The following NTPCR variants were observed in gnomAD, a reference collection of about 807,000 sequenced individuals.
NTPCR encodes nucleoside-triphosphatase, cancer-related, also known as cancer-related nucleoside-triphosphatase.
NTPCR carries 15 observed loss-of-function variants against 19.5 expected under a neutral mutation model. That is an observed-to-expected ratio of 0.77 (90% confidence interval 0.51 to 1.18). NTPCR has a LOEUF of 1.18. NTPCR is among the 50% of genes most tolerant of loss of function. NTPCR has a pLI of 0.00. For synonymous variants in NTPCR, 90 were observed against 95.8 expected (o/e 0.94, Z 0.36); for missense variants, 206 against 240.4 (o/e 0.86, Z 0.95).
intron 4 of NTPCR, chr1:232,976,435 C>A: frequency 6.4e-7 from 1 of 1,550,620 alleles, no homozygotes. Flanking sequence ...GAAGCTACTG[C>A]AATCACTGCT....
At position 232,983,221 on chromosome 1, in the gene NTPCR, T is replaced by C. The variant is rs1669328104; in HGVS notation, c.*4990T>C. ...CTGTTTAAAATTGAGTATTTCCTTCTAACTATTGTCTTTTGAAAAGGGATG... is the reference window on the plus strand; with the variant it reads ...CTGTTTAAAATTGAGTATTTCCTTCCAACTATTGTCTTTTGAAAAGGGATG... On this transcript the variant is annotated 3_prime_UTR_variant, in exon 5 of 5. Transcript: ENST00000366628. 6.6e-6 allele frequency: 1 copy of C among 152,228 alleles called. No homozygotes were observed. Among genetic ancestry groups the C allele is most frequent in the Admixed American group, 6.5e-5 (1 of 15,286 alleles). 9.4% of individuals were successfully genotyped at this position (152,228 alleles called of 1,614,324 possible). A position where few individuals can be genotyped will look rare whatever the true frequency, so the allele number is the denominator to read the frequency against.
At chr1:232,970,459 G>T (rs1216544303) in intron 4 of NTPCR, among the ~76,000 whole-genome samples, 1 of 152,130 alleles carries the variant, frequency 6.6e-6, no homozygotes, top group East Asian at 1.9e-4. Context: ...AAGGCGCCAG[G>T]TTGGGATACA....
intron 4 of NTPCR, chr1:232,976,410 G>A (rs551629720): frequency 6.4e-7 from 1 of 1,550,500 alleles, no homozygotes; most frequent in African/African-American, 1.4e-5. Flanking sequence ...CTCTCACAGA[G>A]CCTGGCTGGA....
At chr1:232,973,012 G>A (rs1426823145) in intron 4 of NTPCR, among the ~76,000 whole-genome samples, 1 of 152,108 alleles carries the variant, frequency 6.6e-6, no homozygotes, top group Non-Finnish European at 1.5e-5. Flanking sequence ...GGCTCTTGAA[G>A]GAGGAAATGG....
chr1:232,958,311 T>C (rs1668568186), intron 3 of NTPCR, among the ~76,000 whole-genome samples: 1 of 152,340 alleles, frequency 6.6e-6, no homozygotes, highest in Non-Finnish European at 1.5e-5. Context: ...CTTGCCATTC[T>C]TCAGCCACAC....
intron 1 of NTPCR, among the ~76,000 whole-genome samples, chr1:232,954,432 C>G (rs565165999): frequency 1.3e-5 from 2 of 152,332 alleles, no homozygotes; most frequent in South Asian, 4.2e-4. Context: ...TGTAGTATCT[C>G]AAAATAGCTC....
At chr1:232,956,280 G>T in intron 2 of NTPCR, 67 bp from the exon 3 acceptor site, 1 of 1,080,604 alleles carries the variant, frequency 9.3e-7, no homozygotes, top group African/African-American at 1.6e-5. Context: ...AGGCTCAGTG[G>T]AGCAGCTAAA....
intron 3 of NTPCR, chr1:232,963,250 A>C (rs1668717064): frequency 1.3e-5 from 2 of 152,236 alleles, no homozygotes; most frequent in Non-Finnish European, 2.9e-5. Context: ...GTGAAAATTC[A>C]GCATGAGGTT....
intron 3 of NTPCR, chr1:232,967,377 T>A (rs992458974): frequency 9.9e-5 from 15 of 152,236 alleles, no homozygotes; most frequent in Non-Finnish European, 1.6e-4. Context: ...ATCACAGATT[T>A]ATTTTTGAGA....
At position 232,981,085 on chromosome 1, in the gene NTPCR, ACTAAAT is replaced by A. The variant is rs1424245258; in HGVS notation, c.*2856_*2861del. Reference sequence around the variant, plus strand: ...TCAGGACTGATTTGAAGCACGATTTACTAAATCATTCTTTCCTTTTCCTCCTTAGCA... The same window carrying A: ...TCAGGACTGATTTGAAGCACGATTTACATTCTTTCCTTTTCCTCCTTAGCA... On this transcript the variant is annotated 3_prime_UTR_variant, in exon 5 of 5. Coordinates refer to ENST00000366628, the MANE Select transcript of NTPCR (RefSeq NM_032324.3). 2 of 152,256 alleles carry A rather than the reference ACTAAAT, an allele frequency of 1.3e-5. No individual in the cohort carries two copies. The highest frequency in any genetic ancestry group is 2.9e-5 in the Non-Finnish European group (2 of 68,048). The allele number at this position is 152,256 out of a possible 1,614,324, so 9.4% of individuals were successfully genotyped here.
intron 3 of NTPCR, chr1:232,965,711 A>G (rs999686156): frequency 6.6e-6 from 1 of 152,258 alleles, no homozygotes; most frequent in African/African-American, 2.4e-5. Context: ...GAGGACGAGG[A>G]GTACTGGGCT....
chr1:232,976,613 A>G (rs889829812), intron 4 of NTPCR: 5 of 1,427,558 alleles, frequency 3.5e-6, no homozygotes, highest in African/African-American at 2.9e-5. Flanking sequence ...CATGAAGCCA[A>G]AGGAAAAGCT....
intron 3 of NTPCR, chr1:232,964,613 G>T (rs774278920): frequency 6.6e-6 from 1 of 152,136 alleles, no homozygotes; most frequent in African/African-American, 2.4e-5. Flanking sequence ...CTCTAGCAAG[G>T]TGAGCAGTAA....
At chr1:232,976,847 G>A (rs1669138796) in intron 4 of NTPCR, 1 of 231,578 alleles carries the variant, frequency 4.3e-6, no homozygotes, top group South Asian at 8.2e-5. Flanking sequence ...CTCCTCTTGG[G>A]GTGCAGATCT....
intron 1 of NTPCR, chr1:232,950,983 T>C: frequency 2.1e-6 from 1 of 465,286 alleles, no homozygotes. Flanking sequence ...TAGACTGGCT[T>C]CTTGATGAAG....
At chr1:232,955,246 TATC>T in intron 1 of NTPCR, among the ~76,000 whole-genome samples, 1 of 152,268 alleles carries the variant, frequency 6.6e-6, no homozygotes, top group Non-Finnish European at 1.5e-5. Flanking sequence ...CATGGGAGAA[TATC>T]ATCAGGAACC....
At chr1:232,958,642 C>G (rs1403477502) in intron 3 of NTPCR, among the ~76,000 whole-genome samples, 1 of 152,190 alleles carries the variant, frequency 6.6e-6, no homozygotes, top group Non-Finnish European at 1.5e-5. Context: ...CAATTCCTTC[C>G]TCTTGGAACT....
chr1:232,950,855 T>C, intron 1 of NTPCR, 111 bp downstream of exon 1: 1 of 666,712 alleles, frequency 1.5e-6, no homozygotes, highest in Non-Finnish European at 2.5e-6. Flanking sequence ...CTCCGGCCTC[T>C]GAAGTTCCCA....
rs1668932844 is a variant in NTPCR at position 232,970,032 on chromosome 1, A to G, written c.418A>G (p.Ile140Val). The change falls in exon 4 of 5, where the codon ATC becomes GTC. Residue 140 changes from isoleucine (I) to valine (V), a missense_variant. Coordinates refer to ENST00000366628, the MANE Select transcript of NTPCR (RefSeq NM_032324.3). The stretch of plus-strand genomic sequence containing the variant: ...GACGCTGTCTACCCCAGGGACTATA[A>G]TCCTTGGCACAATCCCAGTTCCTAA... The part of the protein sequence containing the change: ...RQTLSTPGTI[I>V]LGTIPVPKGK... The G allele has an allele frequency of 6.2e-7, 1 of 1,613,856 alleles. No homozygotes were observed. Among genetic ancestry groups the G allele is most frequent in the Non-Finnish European group, 8.5e-7 (1 of 1,179,872 alleles).
Sources: allele counts gnomAD v4.1 joint callset (sites outside exome capture counted in the v4.1 genomes callset), GRCh38; gene constraint gnomAD v4.1.1; transcripts MANE v1.5; gene names NCBI Gene and HGNC (gene_info 2026-07-23, HGNC 2026-07-21).